The following FGD3 variants were observed in gnomAD, a reference collection of about 807,000 sequenced individuals.
The protein encoded by FGD3 is FYVE, RhoGEF and PH domain containing 3, also known as FYVE, RhoGEF and PH domain-containing protein 3.
Under a neutral mutation model 71.8 loss-of-function variants are expected in FGD3, and 45 were observed. That is an observed-to-expected ratio of 0.63 (90% CI 0.49 to 0.80). The LOEUF (loss-of-function observed/expected upper bound fraction) is 0.80, where lower values mean the gene tolerates loss of function less well. FGD3 is among the 30% of genes least tolerant of loss of function. The probability of loss-of-function intolerance (pLI) is 0.00; values close to 1 mark genes in which losing one functional copy is unlikely to be tolerated. For synonymous variants in FGD3, 378 were observed against 392.8 expected (o/e 0.96, Z 0.44); for missense variants, 844 against 951.5 (o/e 0.89, Z 1.49).
intron 3 of FGD3, among the ~76,000 whole-genome samples, chr9:93,000,573 GTTT>G (rs372909170): frequency 6.6e-6 from 1 of 151,334 alleles, no homozygotes; most frequent in Admixed American, 6.6e-5. Flanking sequence ...TTTGTTGACA[GTTT>G]TTTTTTCTTT....
chr9:93,003,189 C>T lies in FGD3; in HGVS notation c.543+175C>T, dbSNP rs779942091. Among the ~76,000 whole-genome samples, 10 of 151,856 alleles carry T rather than the reference C, an allele frequency of 6.6e-5. No individual in the cohort carries two copies. Among genetic ancestry groups the T allele is most frequent in the South Asian group, 2.1e-4 (1 of 4,824 alleles). ...TGTCACCCAAGCTGGAGTGCAGTGG[C>T]GCGATCTTGGCTCACTGCAACCTCC... On this transcript the variant is annotated intron_variant, in intron 4 of 17. Transcript: ENST00000375482. This position sits in a 1 kb window ranked among gnomAD's most constrained non-coding sequence, Gnocchi z 4.1.
chr9:93,013,814 C>T (rs1861542479), intron 8 of FGD3, 38 bp from the exon 9 acceptor site: 1 of 1,610,002 alleles, frequency 6.2e-7, no homozygotes, highest in Non-Finnish European at 8.5e-7. Context: ...CAGCCACTCT[C>T]ACAGACCTTT....
intron 14 of FGD3, 143 bp from the exon 15 acceptor site, chr9:93,029,731 C>A: frequency 9.0e-7 from 1 of 1,112,126 alleles, no homozygotes; most frequent in Non-Finnish European, 1.2e-6. Context: ...CTTGGCTCTT[C>A]ACTTCATTCC....
At chr9:92,962,442 T>C (rs1348580602) in intron 1 of FGD3, among the ~76,000 whole-genome samples, 3 of 152,156 alleles carry the variant, frequency 2.0e-5, no homozygotes, top group Admixed American at 1.3e-4. Flanking sequence ...TGGAAGCATC[T>C]GGATGGTCCA....
intron 14 of FGD3, 50 bp from the exon 15 acceptor site, chr9:93,029,824 G>A: frequency 1.9e-6 from 3 of 1,590,322 alleles, no homozygotes; most frequent in Non-Finnish European, 2.6e-6. Flanking sequence ...GTGTGGGGTA[G>A]GGTGCACACA....
rs1862549006 is a variant in FGD3, at chr9:93,035,244, C to CA, written c.1927-94_1927-93insA. 3.3e-6 allele frequency: 5 copies of CA among 1,507,750 alleles called. No homozygotes were observed. In the African/African-American group the frequency reaches 4.1e-5, roughly 12 times the overall value. The allele number at this position is 1,507,750 out of a possible 1,614,324, so 93.4% of individuals were successfully genotyped here. On this transcript the variant is annotated intron_variant, in intron 17 of 17. Coordinates refer to ENST00000375482, the MANE Select transcript of FGD3 (RefSeq NM_001083536.2). ...AGCACCTGCCTTGCGTTGCAAGGGT[C>CA]TGGGAGTGGCCTCCTGGGAGAGGCC...
intron 3 of FGD3, among the ~76,000 whole-genome samples, chr9:92,977,683 C>T (rs187444546): frequency 1.0e-3 from 153 of 152,186 alleles, no homozygotes; most frequent in Non-Finnish European, 1.9e-3. Flanking sequence ...GAGAAAGGGG[C>T]ATGTCACACC....
At chr9:92,993,809 G>A (rs900245646) in intron 3 of FGD3, among the ~76,000 whole-genome samples, 2 of 152,106 alleles carry the variant, frequency 1.3e-5, no homozygotes, top group Admixed American at 6.5e-5. Context: ...CATTTTTTAT[G>A]GCTGCATAGT....
intron 9 of FGD3, among the ~76,000 whole-genome samples, chr9:93,015,481 T>C (rs1179546931): frequency 6.6e-6 from 1 of 152,016 alleles, no homozygotes; most frequent in African/African-American, 2.4e-5. Flanking sequence ...AGGTTTTTTT[T>C]TAAATTATAC....
intron 1 of FGD3, among the ~76,000 whole-genome samples, chr9:92,957,677 C>CTTTTTTTTTTTTTTTTT (rs60726578): frequency 9.8e-6 from 1 of 102,230 alleles, no homozygotes; most frequent in Admixed American, 1.1e-4. Context: ...ATTTTCTTTT[C>CTTTTTTTTTTTTTTTTT]TTTTTTTTTT....
At chr9:93,005,296 G>A (rs1222943925) in intron 5 of FGD3, among the ~76,000 whole-genome samples, 1 of 151,968 alleles carries the variant, frequency 6.6e-6, no homozygotes, top group Non-Finnish European at 1.5e-5. Context: ...CTAATTATTT[G>A]TATTTTTTTT....
intron 3 of FGD3, among the ~76,000 whole-genome samples, chr9:92,996,418 A>G (rs1441286624): frequency 6.6e-6 from 1 of 152,126 alleles, no homozygotes; most frequent in Admixed American, 6.6e-5. Flanking sequence ...GATCTTTTCA[A>G]AAAACCAGCT....
At position 93,003,014 on chromosome 9, in the gene FGD3, G is replaced by A; in HGVS notation, c.543G>A (p.Gln181=). 1 of 1,614,138 alleles carries A rather than the reference G, an allele frequency of 6.2e-7. No individual in the cohort carries two copies. The highest frequency in any genetic ancestry group is 8.5e-7 in the Non-Finnish European group (1 of 1,180,012). Residue 181 remains glutamine, a splice_region_variant and synonymous_variant, in exon 4 of 18, where the codon CAG becomes CAA. Transcript: ENST00000375482. This position sits in a 1 kb window ranked among gnomAD's most constrained non-coding sequence, Gnocchi z 4.1. Reference sequence around the variant, plus strand: ...TGAAGCGGCTGCACCTGCTGGACCAGGTAGCCCACATGGCTTGGGGGCAGT... The same window carrying A: ...TGAAGCGGCTGCACCTGCTGGACCAAGTAGCCCACATGGCTTGGGGGCAGT... ...TYVKRLHLLD[Q]VFCTRLTDAG...
chr9:93,035,616 C>T lies in FGD3; in HGVS notation c.*27C>T, dbSNP rs1185147350. ...CTGAGTCTCCCACTGCCCTGCACAC[C>T]ACCACATTGGACCTGTGCTGTCCTG... is the stretch of plus-strand genomic sequence containing the variant. On this transcript the variant is annotated 3_prime_UTR_variant, in exon 18 of 18. Coordinates refer to ENST00000375482, the MANE Select transcript of FGD3 (RefSeq NM_001083536.2). The T allele has an allele frequency of 1.9e-6, 3 of 1,563,084 alleles. No homozygotes were observed. The South Asian group carries it at 3.5e-5, about 18-fold the overall frequency.
At chr9:93,010,184 C>A in intron 6 of FGD3, 62 bp from the exon 7 acceptor site, 1 of 1,526,636 alleles carries the variant, frequency 6.6e-7, no homozygotes, top group Non-Finnish European at 8.9e-7. Context: ...GGCCAGAAGC[C>A]GGTGGGGCTG....
At chr9:92,948,941 C>T (rs1442942336) in intron 1 of FGD3, among the ~76,000 whole-genome samples, 1 of 152,222 alleles carries the variant, frequency 6.6e-6, no homozygotes, top group Admixed American at 6.5e-5. Flanking sequence ...AGTATCCCTC[C>T]TCATCCTCAA....
rs778870105 is a variant in FGD3, at chr9:93,035,431, C to G, written c.2020C>G (p.Leu674Val). Residue 674 changes from leucine to valine, a missense_variant, in exon 18 of 18, where the codon CTG becomes GTG. Physicochemically the swap from Leu to Val is conservative, Grantham distance 32. Transcript: ENST00000375482. ...GCTGGACTCGGGGCATGTGTGGAAGCTGCAGTGGGCCAAGCAGTCCTGGTA... is the reference window on the plus strand; with the variant it reads ...GCTGGACTCGGGGCATGTGTGGAAGGTGCAGTGGGCCAAGCAGTCCTGGTA... ...ERLDSGHVWK[L>V]QWAKQSWYLS... 2 of 1,612,448 alleles carry G rather than the reference C, an allele frequency of 1.2e-6. No individual in the cohort carries two copies. Among genetic ancestry groups the G allele is most frequent in the Non-Finnish European group, 1.7e-6 (2 of 1,179,544 alleles).
At chr9:93,021,683 G>C (rs1022540674) in intron 13 of FGD3, among the ~76,000 whole-genome samples, 2 of 152,160 alleles carry the variant, frequency 1.3e-5, no homozygotes, top group African/African-American at 4.8e-5. Context: ...CCCAACTCCA[G>C]GCTGGTTCTG....
At chr9:92,952,532 C>T (rs932755064) in intron 1 of FGD3, among the ~76,000 whole-genome samples, 8 of 152,152 alleles carry the variant, frequency 5.3e-5, no homozygotes, top group Middle Eastern at 6.8e-3. Flanking sequence ...CCACCGCGCC[C>T]GGCCCGAAAA....
Sources: allele counts gnomAD v4.1 joint callset (sites outside exome capture counted in the v4.1 genomes callset), GRCh38; gene constraint gnomAD v4.1.1; non-coding constraint Gnocchi (gnomAD v3.1); transcripts MANE v1.5; gene names NCBI Gene and HGNC (gene_info 2026-07-23, HGNC 2026-07-21).